The following PPARG variants were observed in gnomAD, a reference collection of about 807,000 sequenced individuals.
The protein encoded by PPARG is peroxisome proliferator-activated receptor gamma.
A neutral mutation model predicts 39.2 loss-of-function variants in PPARG; 17 were observed. The ratio of observed to expected loss-of-function variants is 0.43; its 90% CI spans 0.30 to 0.65. The LOEUF (loss-of-function observed/expected upper bound fraction) is 0.65, where lower values mean the gene tolerates loss of function less well. PPARG is among the 30% of genes least tolerant of loss of function. The pLI is 0.13. For synonymous variants in PPARG, 223 were observed against 215.7 expected, an observed-to-expected ratio of 1.03 and a Z score of -0.30; for missense variants, 406 against 585.9, an observed-to-expected ratio of 0.69 and a Z score of 3.17.
At chr3:12,303,891 C>T (rs1362377109) in intron 1 of PPARG, among the ~76,000 whole-genome samples, 1 of 152,188 alleles carries the variant, frequency 6.6e-6, no homozygotes, top group African/African-American at 2.4e-5. Context: ...CTTAGTAGAA[C>T]ATATTTTCTT....
In PPARG at chr3:12,405,931, G is replaced by A. The variant is rs751812338; in HGVS notation, c.579G>A (p.Ala193=). ...MPQAEKEKLL[A]EISSDIDQLN... ...AGGCCGAGAAGGAGAAGCTGTTGGC[G>A]GAGATCTCCAGTGATATCGACCAGC... The change falls in exon 6 of 8, where the codon GCG becomes GCA. Residue 193 remains alanine (A), a synonymous_variant. Transcript: ENST00000651735. 1.1e-5 allele frequency: 18 copies of A among 1,614,158 alleles called. No individual in the cohort carries two copies. The highest frequency in any genetic ancestry group is 3.3e-5 in the South Asian group (3 of 91,086).
chr3:12,310,910 G>A (rs1261197109), intron 1 of PPARG, among the ~76,000 whole-genome samples: 4 of 151,262 alleles, frequency 2.6e-5, no homozygotes, highest in East Asian at 1.9e-4. Context: ...TTCGCTGTGG[G>A]TGCTCCTTTC....
At chr3:12,323,396 C>G (rs1186759819) in intron 2 of PPARG, among the ~76,000 whole-genome samples, 1 of 151,130 alleles carries the variant, frequency 6.6e-6, no homozygotes, top group Non-Finnish European at 1.5e-5. Context: ...TATTAAGAAA[C>G]AACACAAAGG....
At chr3:12,298,324 A>AAAAAAAAAAAAAAAG (rs764771478) in intron 1 of PPARG, among the ~76,000 whole-genome samples, 31 of 134,726 alleles carry the variant, frequency 2.3e-4, no homozygotes, top group Admixed American at 4.2e-4. Context: ...AAAAAAAAAA[A>AAAAAAAAAAAAAAAG]AAAGAAATGT....
chr3:12,371,934 G>C (rs1331328728), intron 2 of PPARG: 1 of 713,932 alleles, frequency 1.4e-6, no homozygotes, highest in African/African-American at 1.7e-5. Flanking sequence ...TTACACTGCA[G>C]AGTGATCTTG....
chr3:12,367,082 A>G (rs544588661), intron 2 of PPARG, among the ~76,000 whole-genome samples: 1 of 152,292 alleles, frequency 6.6e-6, no homozygotes. Context: ...ATGTAGGCCT[A>G]TTCCATTTCT....
intron 2 of PPARG, among the ~76,000 whole-genome samples, chr3:12,326,229 T>A (rs965642444): frequency 6.6e-6 from 1 of 152,164 alleles, no homozygotes; most frequent in Non-Finnish European, 1.5e-5. Context: ...CCCTGAAGTA[T>A]GACAATATAG....
chr3:12,320,694 G>A (rs530795387), intron 2 of PPARG, among the ~76,000 whole-genome samples: 3 of 152,246 alleles, frequency 2.0e-5, no homozygotes, highest in South Asian at 2.1e-4. Context: ...AAGCAACATA[G>A]TGAGACCCTG....
At chr3:12,405,665 C>T (rs2050632722) in intron 5 of PPARG, among the ~76,000 whole-genome samples, 1 of 152,216 alleles carries the variant, frequency 6.6e-6, no homozygotes, top group Admixed American at 6.5e-5. Flanking sequence ...TATGCATTAA[C>T]TTTTAAAAAT....
At chr3:12,339,358 T>A (rs1326541908) in intron 2 of PPARG, among the ~76,000 whole-genome samples, 1 of 152,184 alleles carries the variant, frequency 6.6e-6, no homozygotes, top group Non-Finnish European at 1.5e-5. Flanking sequence ...TCTTACTAGG[T>A]GATGAAAATG....
intron 5 of PPARG, chr3:12,399,403 G>A (rs1206262192): frequency 4.4e-6 from 2 of 456,282 alleles, no homozygotes; most frequent in Non-Finnish European, 8.8e-6. Flanking sequence ...CCTCCAGCAG[G>A]CACAAGTTGG....
intron 1 of PPARG, among the ~76,000 whole-genome samples, chr3:12,304,251 G>T (rs968678444): frequency 6.6e-6 from 1 of 152,196 alleles, no homozygotes; most frequent in Non-Finnish European, 1.5e-5. Context: ...AAGACCAGGC[G>T]TGACTACCCA....
At chr3:12,344,673 G>A (rs1004671719) in intron 2 of PPARG, 2 of 152,118 alleles carry the variant, frequency 1.3e-5, no homozygotes, top group East Asian at 1.9e-4. Flanking sequence ...TATTTATGTA[G>A]CTCCTGTTAA....
intron 2 of PPARG, among the ~76,000 whole-genome samples, chr3:12,359,662 A>C (rs540650237): frequency 1.2e-3 from 170 of 140,718 alleles, no homozygotes; most frequent in African/African-American, 4.4e-3. Flanking sequence ...TTTCCTACTT[A>C]CTCTTTTATT....
At chr3:12,328,193 A>G in intron 2 of PPARG, 1 of 1,417,856 alleles carries the variant, frequency 7.1e-7, no homozygotes, top group Non-Finnish European at 9.9e-7. Context: ...AAGAACTAGA[A>G]CAGAAAAAGT....
rs187205547 is a variant in PPARG, at chr3:12,408,430, A to C, written c.729+2349A>C. Among the ~76,000 whole-genome samples the C allele has an allele frequency of 2.4e-4, 37 of 152,236 alleles. No homozygotes were observed. The East Asian group carries it at 5.8e-3, about 24-fold the overall frequency. The stretch of plus-strand genomic sequence containing the variant: ...CATAGCAAATCAAAAATAAATGAAG[A>C]CCTCTGCGTAGCTGATTGGACTACA... On this transcript the variant is annotated intron_variant, in intron 6 of 7. Coordinates refer to ENST00000651735, the MANE Select transcript of PPARG (RefSeq NM_138711.6).
intron 1 of PPARG, among the ~76,000 whole-genome samples, chr3:12,291,690 A>ATG (rs1166023588): frequency 6.6e-6 from 1 of 152,210 alleles, no homozygotes; most frequent in African/African-American, 2.4e-5. Context: ...ATAATAGTAT[A>ATG]TGTTTAAATT....
intron 4 of PPARG, among the ~76,000 whole-genome samples, chr3:12,391,377 G>A (rs1342074121): frequency 6.6e-6 from 1 of 152,154 alleles, no homozygotes; most frequent in Non-Finnish European, 1.5e-5. Context: ...CAGAAGAGAG[G>A]TGGGGCAGGG....
intron 2 of PPARG, among the ~76,000 whole-genome samples, chr3:12,341,155 C>G (rs2048172427): frequency 6.6e-6 from 1 of 150,464 alleles, no homozygotes; most frequent in Non-Finnish European, 1.5e-5. Flanking sequence ...TGCACTCCAG[C>G]CTGGGCAACA....
Sources: allele counts gnomAD v4.1 joint callset (sites outside exome capture counted in the v4.1 genomes callset), GRCh38; gene constraint gnomAD v4.1.1; transcripts MANE v1.5; gene names NCBI Gene and HGNC (gene_info 2026-07-23, HGNC 2026-07-21).